ATL3: variants seen among roughly 807,000 people sequenced by gnomAD.
ATL3 encodes the protein atlastin-3.
Under a neutral mutation model 69.5 loss-of-function variants are expected in ATL3, and 49 were observed. That is an observed-to-expected ratio of 0.71 (90% CI 0.56 to 0.89). The LOEUF is 0.89. Among genes scored for constraint, ATL3 ranks in the 40% least tolerant of loss-of-function variants. The pLI is 0.00. For missense variants in ATL3, 606 were observed against 645.7 expected (o/e 0.94, Z 0.67); for synonymous variants, 214 against 224.1 (o/e 0.95, Z 0.40).
At chr11:63,669,999 G>A (rs998083748) in intron 1 of ATL3, among the ~76,000 whole-genome samples, 1 of 152,030 alleles carries the variant, frequency 6.6e-6, no homozygotes, top group African/African-American at 2.4e-5. Flanking sequence ...CCAGCTACCC[G>A]GGAGGATGAG....
intron 4 of ATL3, 105 bp downstream of exon 4, chr11:63,652,366 C>T (rs1940103717): frequency 1.4e-6 from 1 of 711,502 alleles, no homozygotes; most frequent in Non-Finnish European, 2.2e-6. Context: ...ATAATATTTA[C>T]ATATCATCCT....
intron 5 of ATL3, among the ~76,000 whole-genome samples, chr11:63,647,848 G>A (rs1404984825): frequency 6.6e-6 from 1 of 152,196 alleles, no homozygotes; most frequent in Non-Finnish European, 1.5e-5. Flanking sequence ...AGACAAATGA[G>A]AACTGTCTCA....
At chr11:63,671,893 A>C, upstream of ATL3, 1 of 356,686 alleles carries the variant, frequency 2.8e-6, no homozygotes, top group Non-Finnish European at 4.5e-6. Context: ...CCAGTGTGAG[A>C]GACAGCTTTG....
upstream of ATL3, chr11:63,671,548 C>A: frequency 4.2e-6 from 6 of 1,417,340 alleles, no homozygotes; most frequent in South Asian, 1.5e-5. Flanking sequence ...GAGCGCAGGA[C>A]GAGGCTAGGC....
intron 3 of ATL3, among the ~76,000 whole-genome samples, chr11:63,655,076 C>G (rs1179451946): frequency 6.6e-6 from 1 of 152,002 alleles, no homozygotes; most frequent in Non-Finnish European, 1.5e-5. Flanking sequence ...TTTTGCATTC[C>G]TATAAAATAT....
In ATL3 at chr11:63,624,867, T is replaced by C. The variant is rs1403201947; in HGVS notation, c.*4452A>G. ...TAAACCTCAGGTACAAAGTGTCCAC[T>C]TGCCTCCAGACAATACTGAATTGTA... On this transcript the variant is annotated 3_prime_UTR_variant, in exon 13 of 13. Transcript: ENST00000398868. 6.6e-6 allele frequency: 1 copy of C among 152,130 alleles called. No homozygotes were observed. The highest frequency in any genetic ancestry group is 6.5e-5 in the Admixed American group (1 of 15,278). 9.4% of individuals were successfully genotyped at this position (152,130 alleles called of 1,614,324 possible).
intron 8 of ATL3, among the ~76,000 whole-genome samples, chr11:63,641,637 G>A (rs947336144): frequency 4.6e-5 from 7 of 152,130 alleles, no homozygotes; most frequent in African/African-American, 7.2e-5. Flanking sequence ...CAGAGTCTCC[G>A]GGCGGAACCA....
intron 8 of ATL3, among the ~76,000 whole-genome samples, chr11:63,638,430 C>T (rs1170346745): frequency 6.6e-6 from 1 of 152,066 alleles, no homozygotes; most frequent in East Asian, 1.9e-4. Context: ...CTAGGCCTAG[C>T]GTGGTGGCCC....
chr11:63,632,804 A>C, intron 11 of ATL3: 5 of 757,184 alleles, frequency 6.6e-6, no homozygotes, highest in Non-Finnish European at 1.1e-5. Flanking sequence ...GTACTTACCA[A>C]TAAACTATTT....
intron 1 of ATL3, among the ~76,000 whole-genome samples, chr11:63,663,869 G>C (rs1940495442): frequency 6.6e-6 from 1 of 152,162 alleles, no homozygotes; most frequent in South Asian, 2.1e-4. Flanking sequence ...TTTATAGCTA[G>C]GATATGACCA....
intron 11 of ATL3, among the ~76,000 whole-genome samples, chr11:63,631,770 T>TCA (rs759566848): frequency 2.6e-5 from 4 of 152,054 alleles, no homozygotes; most frequent in Non-Finnish European, 5.9e-5. Flanking sequence ...TCACTTGAGG[T>TCA]CAGGAGTTTG....
At position 63,643,524 on chromosome 11, in the gene ATL3, C is replaced by T. The variant is rs1271027294; in HGVS notation, c.712-29G>A. Reference sequence around the variant, plus strand: ...CCAATGAAGACCAAGAATTTACCAACCAAAAGTCATTTGGTTTTCTTCACT... The same window carrying T: ...CCAATGAAGACCAAGAATTTACCAATCAAAAGTCATTTGGTTTTCTTCACT... On this transcript the variant is annotated intron_variant, in intron 7 of 12. Coordinates refer to ENST00000398868, the MANE Select transcript of ATL3 (RefSeq NM_015459.5). 5.7e-6 allele frequency: 9 copies of T among 1,589,762 alleles called. No individual in the cohort carries two copies. In the African/African-American group the frequency reaches 9.4e-5, roughly 17 times the overall value.
intron 1 of ATL3, among the ~76,000 whole-genome samples, chr11:63,668,350 C>A (rs908947750): frequency 1.3e-5 from 2 of 152,106 alleles, no homozygotes; most frequent in Non-Finnish European, 2.9e-5. Context: ...GGGTGTGGTT[C>A]CTTCTGGTGG....
intron 10 of ATL3, among the ~76,000 whole-genome samples, chr11:63,634,185 TAAA>T (rs146288332): frequency 3.3e-4 from 37 of 113,658 alleles, no homozygotes; most frequent in African/African-American, 9.6e-4. Flanking sequence ...TGTTTCTATT[TAAA>T]AAAAAAAAAA....
chr11:63,669,245 C>T (rs1039161305), intron 1 of ATL3, among the ~76,000 whole-genome samples: 2 of 152,054 alleles, frequency 1.3e-5, no homozygotes, highest in Non-Finnish European at 2.9e-5. Context: ...CGAAATACCA[C>T]GCAACTGGGC....
At chr11:63,668,434 C>A (rs1175480994) in intron 1 of ATL3, among the ~76,000 whole-genome samples, 1 of 152,208 alleles carries the variant, frequency 6.6e-6, no homozygotes, top group African/African-American at 2.4e-5. Flanking sequence ...CTGCAATACG[C>A]TTAAGGCTGT....
At chr11:63,671,810 G>T (rs150403363), upstream of ATL3, 7 of 1,079,356 alleles carry the variant, frequency 6.5e-6, no homozygotes, top group African/African-American at 1.7e-5. Context: ...GGCTGGCTCG[G>T]GTCCTCCTGC....
At chr11:63,640,877 C>T (rs1261536684) in intron 8 of ATL3, among the ~76,000 whole-genome samples, 4 of 152,126 alleles carry the variant, frequency 2.6e-5, no homozygotes, top group South Asian at 2.1e-4. Flanking sequence ...GCTGGGATTA[C>T]AGGCGTGAGC....
chr11:63,651,534 G>A (rs891206749), intron 5 of ATL3, among the ~76,000 whole-genome samples: 2 of 152,104 alleles, frequency 1.3e-5, no homozygotes, highest in African/African-American at 4.8e-5. Flanking sequence ...CCCAGAATGA[G>A]TGGGACCTCA....
Sources: gnomAD v4.1 joint callset for allele counts (sites outside exome capture counted in the v4.1 genomes callset) on GRCh38, gnomAD v4.1.1 for gene constraint, MANE v1.5 for transcripts, NCBI Gene and HGNC (gene_info 2026-07-23, HGNC 2026-07-21) for gene names.